The following ESRP1 variants were observed in gnomAD, a reference collection of about 807,000 sequenced individuals.
The protein encoded by ESRP1 is RNA-binding motif protein 35A.
ESRP1 carries 33 observed loss-of-function variants against 81.7 expected under a neutral mutation model. The ratio of observed to expected loss-of-function variants is 0.40; its 90% CI spans 0.31 to 0.54. The LOEUF (loss-of-function observed/expected upper bound fraction) is 0.54, where lower values mean the gene tolerates loss of function less well. Among genes scored for constraint, ESRP1 ranks in the 20% least tolerant of loss-of-function variants. ESRP1 has a pLI of 0.41. For synonymous variants in ESRP1, 320 were observed against 303.3 expected, an observed-to-expected ratio of 1.06 and a Z score of -0.57; for missense variants, 672 against 833.1, an observed-to-expected ratio of 0.81 and a Z score of 2.38.
chr8:94,674,885 G>A (rs768222375), intron 12 of ESRP1, among the ~76,000 whole-genome samples: 3 of 152,138 alleles, frequency 2.0e-5, no homozygotes, highest in Non-Finnish European at 2.9e-5. Flanking sequence ...TTTTTAAAAC[G>A]TATTAACCTT....
intron 6 of ESRP1, among the ~76,000 whole-genome samples, chr8:94,663,608 A>G (rs951287405): frequency 1.3e-5 from 2 of 152,142 alleles, no homozygotes; most frequent in Non-Finnish European, 2.9e-5. Flanking sequence ...GGTGTCTGTT[A>G]GTGATCGCAG....
At chr8:94,681,187 G>A (rs1436731361) in intron 13 of ESRP1, among the ~76,000 whole-genome samples, 8 of 151,746 alleles carry the variant, frequency 5.3e-5, no homozygotes, top group South Asian at 4.2e-4. Flanking sequence ...TTAGCCGGGC[G>A]TGGTGATGGG....
rs1302123470 is a variant in ESRP1, at chr8:94,668,265, C to G, written c.1233+15C>G. 2.6e-6 allele frequency: 4 copies of G among 1,560,546 alleles called. No individual in the cohort carries two copies. Among genetic ancestry groups the G allele is most frequent in the African/African-American group, 1.4e-5 (1 of 73,404 alleles). ...AAGTTCAGCAGGTTGGTTTTAAAAA[C>G]AAGTATGTTGTACCTTTGCATTAAT... On this transcript the variant is annotated intron_variant, in intron 10 of 15. Coordinates refer to ENST00000433389, the MANE Select transcript of ESRP1 (RefSeq NM_017697.4).
chr8:94,653,437 C>T (rs1818248729), intron 4 of ESRP1, among the ~76,000 whole-genome samples: 1 of 152,166 alleles, frequency 6.6e-6, no homozygotes, highest in Non-Finnish European at 1.5e-5. Context: ...TGTGCTGCCA[C>T]TTAGCTGGTG....
At chr8:94,648,262 A>G (rs1817941278) in intron 4 of ESRP1, among the ~76,000 whole-genome samples, 1 of 152,192 alleles carries the variant, frequency 6.6e-6, no homozygotes, top group Non-Finnish European at 1.5e-5. Context: ...GTCTCAAAAA[A>G]AGTGGATTTT....
At chr8:94,673,399 G>A (rs1351571563) in intron 11 of ESRP1, among the ~76,000 whole-genome samples, 1 of 152,152 alleles carries the variant, frequency 6.6e-6, no homozygotes, top group African/African-American at 2.4e-5. Context: ...TCTTGGACTG[G>A]GTTTGTTGCT....
intron 3 of ESRP1, among the ~76,000 whole-genome samples, chr8:94,644,789 G>A (rs1397516556): frequency 6.6e-6 from 1 of 152,112 alleles, no homozygotes. Flanking sequence ...ATGTTATAGT[G>A]AAAGTAATTC....
intron 12 of ESRP1, among the ~76,000 whole-genome samples, chr8:94,675,810 C>G (rs571012591): frequency 6.6e-6 from 1 of 152,146 alleles, no homozygotes. Flanking sequence ...TTTTTCCTCA[C>G]AAGCCTCCAA....
At position 94,705,156 on chromosome 8, in the gene ESRP1, C is replaced by CTTTTT. The variant is rs57801249; in HGVS notation, c.*36-744_*36-740dup. 6.3e-4 allele frequency among the ~76,000 whole-genome samples: 57 copies of CTTTTT among 90,526 alleles called. 8 individuals carry two copies. The highest frequency in any genetic ancestry group is 9.2e-4 in the African/African-American group (21 of 22,782). 59.4% of individuals were successfully genotyped at this position (90,526 alleles called of 152,430 possible). A position where few individuals can be genotyped will look rare whatever the true frequency, so the allele number is the denominator to read the frequency against. Reference sequence around the variant, plus strand: ...TTTGCTGTTATGTCATGCCTTATTGCTTTTTTTTTTTTTTTTTTTTTTTTT... The same window carrying CTTTTT: ...TTTGCTGTTATGTCATGCCTTATTGCTTTTTTTTTTTTTTTTTTTTTTTTTTTTTT... On this transcript the variant is annotated intron_variant, in intron 15 of 15. Transcript: ENST00000433389.
rs528305344 is a variant in ESRP1, at chr8:94,668,112, A to G, written c.1095A>G (p.Pro365=). The G allele has an allele frequency of 8.1e-6, 13 of 1,614,012 alleles. No homozygotes were observed. The African/African-American group carries it at 1.7e-4, about 22-fold the overall frequency. ...GKEGILFVTY[P]DGRPTGDAFV... is the part of the protein sequence containing the mutation. ...AAGGCATCCTCTTTGTCACCTACCC[A>G]GATGGTAGGCCAACAGGGGACGCTT... is the stretch of plus-strand genomic sequence containing the variant. Residue 365 remains proline, a synonymous_variant, in exon 10 of 16, where the codon CCA becomes CCG. Coordinates refer to ENST00000433389, the MANE Select transcript of ESRP1 (RefSeq NM_017697.4).
chr8:94,660,902 T>G (rs1294326351), intron 4 of ESRP1, among the ~76,000 whole-genome samples: 1 of 152,106 alleles, frequency 6.6e-6, no homozygotes, highest in African/African-American at 2.4e-5. Flanking sequence ...TTTCAGAAAT[T>G]GCCACAGCCA....
intron 12 of ESRP1, among the ~76,000 whole-genome samples, chr8:94,675,277 G>T (rs1429840941): frequency 1.3e-5 from 2 of 152,212 alleles, no homozygotes; most frequent in Non-Finnish European, 1.5e-5. Flanking sequence ...TCTTAGGCCT[G>T]TTGGGTATGT....
chr8:94,700,938 T>A (rs1809800939), intron 15 of ESRP1, among the ~76,000 whole-genome samples: 1 of 90,836 alleles, frequency 1.1e-5, no homozygotes, highest in Non-Finnish European at 2.0e-5. Flanking sequence ...CAAAAAAAAA[T>A]GTGTGTGTGT....
intron 4 of ESRP1, among the ~76,000 whole-genome samples, chr8:94,647,502 T>C (rs1170053094): frequency 6.6e-6 from 1 of 152,230 alleles, no homozygotes; most frequent in Non-Finnish European, 1.5e-5. Context: ...GGTCAGGTTC[T>C]GGTGATGGCT....
chr8:94,702,763 G>A (rs1424848987), intron 15 of ESRP1, among the ~76,000 whole-genome samples: 1 of 152,112 alleles, frequency 6.6e-6, no homozygotes, highest in Non-Finnish European at 1.5e-5. Context: ...GATTATAGGT[G>A]TGAGCCGCCA....
chr8:94,676,762 T>G (rs976095019), intron 12 of ESRP1, among the ~76,000 whole-genome samples: 2 of 151,614 alleles, frequency 1.3e-5, no homozygotes, highest in African/African-American at 4.8e-5. Context: ...CCTCCCAAAG[T>G]GCTGAGATTA....
At chr8:94,682,932 A>ATATATAT (rs1808974140) in intron 13 of ESRP1, among the ~76,000 whole-genome samples, 19 of 18,080 alleles carry the variant, frequency 1.1e-3, no homozygotes, top group Admixed American at 2.3e-3. Context: ...ATATATATAT[A>ATATATAT]TTTTTTTTTT....
At chr8:94,686,526 C>G (rs942144504) in intron 13 of ESRP1, among the ~76,000 whole-genome samples, 1 of 152,172 alleles carries the variant, frequency 6.6e-6, no homozygotes, top group Non-Finnish European at 1.5e-5. Flanking sequence ...GGTTGCTTAT[C>G]CAGCTCAAGG....
intron 4 of ESRP1, among the ~76,000 whole-genome samples, chr8:94,658,599 A>G (rs1002237471): frequency 3.9e-5 from 6 of 152,228 alleles, no homozygotes; most frequent in Non-Finnish European, 5.9e-5. Flanking sequence ...AAGGCTAGGT[A>G]ATCCTGCCAT....
Sources: allele counts gnomAD v4.1 joint callset (sites outside exome capture counted in the v4.1 genomes callset), GRCh38; gene constraint gnomAD v4.1.1; transcripts MANE v1.5; gene names NCBI Gene and HGNC (gene_info 2026-07-23, HGNC 2026-07-21).